LIN37: variants seen among roughly 807,000 people sequenced by gnomAD.
LIN37 encodes the protein lin-37 DREAM MuvB core complex component.
In LIN37, 21 loss-of-function variants were observed where a neutral mutation model predicts 38.0. The observed-to-expected ratio is 0.55, with a 90% CI of 0.39 to 0.80. The LOEUF (loss-of-function observed/expected upper bound fraction) is 0.80. Ranked by LOEUF, LIN37 falls within the 30% of genes least tolerant of loss-of-function variation. LIN37 has a pLI of 0.00. For missense variants in LIN37, 273 were observed against 338.5 expected (o/e 0.81, Z 1.52); for synonymous variants, 126 against 122.9 (o/e 1.03, Z -0.17).
chr19:35,754,373 T>A lies in LIN37; in HGVS notation c.660-20T>A, dbSNP rs567817805. 4 of 1,613,710 alleles carry A rather than the reference T, an allele frequency of 2.5e-6. No homozygotes were observed. The South Asian group carries it at 4.4e-5, about 18-fold the overall frequency. ...CGTAGGGCCCTTTGCAACTGCTGAG[T>A]CTCCCCTCTGCCTCCCCAGGTGGAA... On this transcript the variant is annotated intron_variant, in intron 8 of 8. Coordinates refer to ENST00000301159, the MANE Select transcript of LIN37 (RefSeq NM_019104.3).
At chr19:35,753,902 C>G in intron 6 of LIN37, 115 bp from the exon 7 acceptor site, 1 of 1,249,020 alleles carries the variant, frequency 8.0e-7, no homozygotes, top group Non-Finnish European at 1.1e-6. Context: ...GTCTGAGTCC[C>G]TTAGCGAGCC....
chr19:35,750,952 C>G (rs1970674623), intron 1 of LIN37, among the ~76,000 whole-genome samples: 1 of 151,500 alleles, frequency 6.6e-6, no homozygotes. Flanking sequence ...CAGAGCAAGA[C>G]TCCGTCTCAA....
Position 35,754,171 on chromosome 19 carries a change from G to A in LIN37, c.585+14G>A. The A allele has an allele frequency of 6.2e-7, 1 of 1,613,970 alleles. No individual in the cohort carries two copies. Among genetic ancestry groups the A allele is most frequent in the Non-Finnish European group, 8.5e-7 (1 of 1,179,858 alleles). On this transcript the variant is annotated intron_variant, in intron 7 of 8. Transcript: ENST00000301159. ...CCTGACGATGAGGTGAGTATGCCAGGCTGGCCCAGGGTTATGGGGCACATG... is the reference window on the plus strand; with the variant it reads ...CCTGACGATGAGGTGAGTATGCCAGACTGGCCCAGGGTTATGGGGCACATG...
chr19:35,754,458 T>C lies in LIN37; in HGVS notation c.725T>C (p.Met242Thr), dbSNP rs1970726977. 1.9e-6 allele frequency: 3 copies of C among 1,614,018 alleles called. No individual in the cohort carries two copies. Among genetic ancestry groups the C allele is most frequent in the Non-Finnish European group, 1.7e-6 (2 of 1,179,882 alleles). ...YSESMKILRE[M>T]YERQ ...GAAAGCATGAAGATCCTACGAGAGATGTACGAACGACAGTGATGTTCCCAG... is the reference window on the plus strand; with the variant it reads ...GAAAGCATGAAGATCCTACGAGAGACGTACGAACGACAGTGATGTTCCCAG... The change falls in exon 9 of 9, where the codon ATG becomes ACG. Residue 242 changes from methionine to threonine, a missense_variant. Met to Thr is a moderately conservative substitution (Grantham distance 81). Coordinates refer to ENST00000301159, the MANE Select transcript of LIN37 (RefSeq NM_019104.3).
At chr19:35,749,615 G>A (rs1044686116) in intron 1 of LIN37, among the ~76,000 whole-genome samples, 3 of 145,224 alleles carry the variant, frequency 2.1e-5, no homozygotes, top group African/African-American at 5.2e-5. Context: ...GCAACATAGC[G>A]AAACGCTGTC....
chr19:35,748,643 C>A lies in LIN37; in HGVS notation c.-82C>A, dbSNP rs1049538991. 1.2e-5 allele frequency: 19 copies of A among 1,591,760 alleles called. No individual in the cohort carries two copies. Among genetic ancestry groups the A allele is most frequent in the Non-Finnish European group, 1.4e-5 (16 of 1,160,170 alleles). The stretch of plus-strand genomic sequence containing the variant: ...CCACGAAGCTCATCTTTGAACTGTC[C>A]CCGCCTTCTCCCGCCTTGACTTGTG... On this transcript the variant is annotated 5_prime_UTR_variant, in exon 1 of 9. Transcript: ENST00000301159.
chr19:35,752,638 C>A, intron 3 of LIN37, 154 bp downstream of exon 3: 1 of 1,253,650 alleles, frequency 8.0e-7, no homozygotes, highest in Non-Finnish European at 1.1e-6. Context: ...GCTTAGGTCC[C>A]CCCGTGGTTG....
intron 3 of LIN37, 29 bp downstream of exon 3, chr19:35,752,513 G>A (rs760118593): frequency 2.5e-6 from 4 of 1,612,090 alleles, no homozygotes; most frequent in Non-Finnish European, 2.5e-6. Flanking sequence ...ATTTGGAGTT[G>A]AGAGTTCGTG....
At chr19:35,753,743 A>T (rs1165434405) in intron 6 of LIN37, 1 of 562,380 alleles carries the variant, frequency 1.8e-6, no homozygotes, top group Non-Finnish European at 3.2e-6. Context: ...CCCCCTAGAC[A>T]GGATTCCCTG....
Position 35,748,736 on chromosome 19 carries a change from GAAGGTGA to G in LIN37, c.16_22del (p.Val6TrpfsTer89). ...CCCGGACCCAAACCATGTTCCCTGT[GAAGGTGA>G]AAGTGGAGAAATCAGGTGAGGACCC... On this transcript the variant is annotated frameshift_variant, in exon 1 of 9. Coordinates refer to ENST00000301159, the MANE Select transcript of LIN37 (RefSeq NM_019104.3). LOFTEE classifies it high-confidence loss of function. 6.2e-7 allele frequency: 1 copy of G among 1,613,960 alleles called. No homozygotes were observed. The highest frequency in any genetic ancestry group is 8.5e-7 in the Non-Finnish European group (1 of 1,179,844).
At chr19:35,751,278 G>T (rs908090848) in intron 1 of LIN37, among the ~76,000 whole-genome samples, 5 of 152,104 alleles carry the variant, frequency 3.3e-5, no homozygotes, top group East Asian at 1.9e-4. Flanking sequence ...CCAAGATTAT[G>T]CCACTGCATT....
rs1970700165 is a variant in LIN37, at chr19:35,752,970, G to A, written c.248G>A (p.Gly83Glu). Residue 83 changes from glycine to glutamate, a missense_variant, in exon 5 of 9, where the codon GGG (glycine) becomes GAG (glutamate). By Grantham distance (98) the Gly-to-Glu change is moderately conservative. Transcript: ENST00000301159. ...AAGAAGAGGAGGGAGATGGATGATG[G>A]GCTGGCTGAGGGAGGGCCGCAGCGA... ...RRKKRREMDDGLAEGGPQRSN... is the reference protein window; with the variant it reads ...RRKKRREMDDELAEGGPQRSN... 6.4e-7 allele frequency: 1 copy of A among 1,571,814 alleles called. No homozygotes were observed. The highest frequency in any genetic ancestry group is 8.6e-7 in the Non-Finnish European group (1 of 1,158,028).
At position 35,748,587 on chromosome 19, in the gene LIN37, T is replaced by C; in HGVS notation, c.-138T>C. Reference sequence around the variant, plus strand: ...GAAGGGTGGTGGCCACGGTCCAGGCTGGACACAACCAAAGGCGGAGGACCC... The same window carrying C: ...GAAGGGTGGTGGCCACGGTCCAGGCCGGACACAACCAAAGGCGGAGGACCC... On this transcript the variant is annotated 5_prime_UTR_variant, in exon 1 of 9. Coordinates refer to ENST00000301159, the MANE Select transcript of LIN37 (RefSeq NM_019104.3). 8.4e-7 allele frequency: 1 copy of C among 1,197,254 alleles called. No individual in the cohort carries two copies. The allele number at this position is 1,197,254 out of a possible 1,614,324, so 74.2% of individuals were successfully genotyped here.
In LIN37 at chr19:35,748,753, A is replaced by T. The variant is rs757343727; in HGVS notation, c.29A>T (p.Lys10Ile). The T allele has an allele frequency of 1.2e-4, 190 of 1,613,768 alleles. No individual in the cohort carries two copies. The highest frequency in any genetic ancestry group is 1.5e-4 in the Non-Finnish European group (178 of 1,179,818). The change falls in exon 1 of 9, where the codon AAA becomes ATA. Residue 10 changes from lysine to isoleucine, a missense_variant. Lys to Ile is a moderately radical substitution (Grantham distance 102). Coordinates refer to ENST00000301159, the MANE Select transcript of LIN37 (RefSeq NM_019104.3). ...TTCCCTGTGAAGGTGAAAGTGGAGA[A>T]ATCAGGTGAGGACCCTGACGTCGGG... The part of the protein sequence containing the change: MFPVKVKVE[K>I]SELEMAKARN...
rs753725344 is a variant in LIN37 at position 35,752,898 on chromosome 19, C to G, written c.192-16C>G. The stretch of plus-strand genomic sequence containing the variant: ...CAGCTCCTACCCCAGTCCTGACACT[C>G]CCTCTCCCTACGCAGGCCATCTGCC... On this transcript the variant is annotated splice_polypyrimidine_tract_variant and intron_variant, in intron 4 of 8. Transcript: ENST00000301159. 6 of 1,585,172 alleles carry G rather than the reference C, an allele frequency of 3.8e-6. No homozygotes were observed. The highest frequency in any genetic ancestry group is 3.4e-5 in the South Asian group (3 of 87,212).
Position 35,748,737 on chromosome 19 carries a change from A to T in LIN37, c.13A>T (p.Lys5Ter). The change falls in exon 1 of 9, where the codon AAG becomes TAG. Residue 5 changes from lysine (K) to a stop codon, truncating the protein, a stop_gained. Transcript: ENST00000301159. LOFTEE classifies it high-confidence loss of function. MFPV[K>*]VKVEKSELEM... is the part of the protein sequence containing the mutation. ...CCGGACCCAAACCATGTTCCCTGTG[A>T]AGGTGAAAGTGGAGAAATCAGGTGA... 1 of 1,613,856 alleles carries T rather than the reference A, an allele frequency of 6.2e-7. No individual in the cohort carries two copies. The highest frequency in any genetic ancestry group is 8.5e-7 in the Non-Finnish European group (1 of 1,179,816).
chr19:35,754,328 C>T lies in LIN37; in HGVS notation c.659+9C>T, dbSNP rs1172007442. 6.2e-7 allele frequency: 1 copy of T among 1,613,882 alleles called. No homozygotes were observed. The highest frequency in any genetic ancestry group is 8.5e-7 in the Non-Finnish European group (1 of 1,179,866). On this transcript the variant is annotated intron_variant, in intron 8 of 8. Coordinates refer to ENST00000301159, the MANE Select transcript of LIN37 (RefSeq NM_019104.3). ...AAACGCATCCGCCAGAGGTGAGCGT[C>T]CCCCAGCCTGCTTGCCCCTCGTAGG... is the stretch of plus-strand genomic sequence containing the variant.
chr19:35,749,085 G>A, intron 1 of LIN37: 1 of 808,378 alleles, frequency 1.2e-6, no homozygotes, highest in African/African-American at 1.8e-5. Context: ...TAGAGACGGA[G>A]TATCGCTATA....
chr19:35,754,417 C>G lies in LIN37; in HGVS notation c.684C>G (p.Asn228Lys), dbSNP rs752357586. ...RQRWKEASHR[N>K]QLRYSESMKI... ...GGTGGAAGGAGGCCTCTCATCGGAA[C>G]CAGCTTCGTTACTCAGAAAGCATGA... is the stretch of plus-strand genomic sequence containing the variant. Residue 228 changes from asparagine to lysine, a missense_variant, in exon 9 of 9, where the codon AAC becomes AAG. Transcript: ENST00000301159. The G allele has an allele frequency of 3.1e-6, 5 of 1,614,042 alleles. No homozygotes were observed. The Admixed American group carries it at 5.0e-5, about 16-fold the overall frequency.
Sources: allele counts gnomAD v4.1 joint callset (sites outside exome capture counted in the v4.1 genomes callset), GRCh38; gene constraint gnomAD v4.1.1; transcripts MANE v1.5; gene names NCBI Gene and HGNC (gene_info 2026-07-23, HGNC 2026-07-21).